CHRNA7: variants seen among roughly 807,000 people sequenced by gnomAD.
The protein encoded by CHRNA7 is neuronal acetylcholine receptor subunit alpha-7.
A neutral mutation model predicts 48.0 loss-of-function variants in CHRNA7; 17 were observed. The observed-to-expected ratio is 0.35, with a 90% CI of 0.24 to 0.53. The LOEUF is 0.53. CHRNA7 is among the 20% of genes least tolerant of loss of function. The pLI, the probability that CHRNA7 is intolerant of heterozygous loss-of-function variation, is 0.92. For synonymous variants in CHRNA7, 75 were observed against 242.3 expected, an observed-to-expected ratio of 0.31 and a Z score of 6.41; for missense variants, 155 against 577.7, an observed-to-expected ratio of 0.27 and a Z score of 7.50.
At chr15:32,142,819 A>G (rs1392338621) in intron 4 of CHRNA7, among the ~76,000 whole-genome samples, 1 of 151,596 alleles carries the variant, frequency 6.6e-6, no homozygotes, top group Non-Finnish European at 1.5e-5. Flanking sequence ...TTTCTTCTTT[A>G]TTAGTCTTGC....
At chr15:32,075,133 T>C (rs1276755477) in intron 2 of CHRNA7, among the ~76,000 whole-genome samples, 2 of 152,190 alleles carry the variant, frequency 1.3e-5, no homozygotes, top group South Asian at 2.1e-4. Flanking sequence ...CTAACACTTA[T>C]TATGGATTTT....
intron 2 of CHRNA7, among the ~76,000 whole-genome samples, chr15:32,050,032 T>C (rs373617034): frequency 2.0e-5 from 3 of 152,190 alleles, no homozygotes; most frequent in East Asian, 1.9e-4. Context: ...GTCTGATGGG[T>C]TTCCCTTTGT....
At chr15:32,107,896 C>T (rs1456906525) in intron 3 of CHRNA7, among the ~76,000 whole-genome samples, 1 of 152,170 alleles carries the variant, frequency 6.6e-6, no homozygotes, top group Non-Finnish European at 1.5e-5. Context: ...AGCGTAAACT[C>T]AGGCCTCAGG....
At chr15:32,064,920 G>C (rs958333200) in intron 2 of CHRNA7, among the ~76,000 whole-genome samples, 6 of 152,168 alleles carry the variant, frequency 3.9e-5, no homozygotes, top group Non-Finnish European at 8.8e-5. Context: ...TTCTTAAAAT[G>C]AATATGCAAC....
intron 4 of CHRNA7, among the ~76,000 whole-genome samples, chr15:32,135,554 TCAGA>T (rs1308909978): frequency 6.6e-6 from 1 of 152,178 alleles, no homozygotes; most frequent in African/African-American, 2.4e-5. Flanking sequence ...GCAAAGCAGC[TCAGA>T]CAGTGAACAG....
chr15:32,138,817 G>A (rs1253321618), intron 4 of CHRNA7, among the ~76,000 whole-genome samples: 1 of 151,378 alleles, frequency 6.6e-6, no homozygotes, highest in Admixed American at 6.6e-5. Context: ...GCAGTGGTGC[G>A]ATCTCGGCTC....
At chr15:32,061,818 G>A (rs2049884126) in intron 2 of CHRNA7, among the ~76,000 whole-genome samples, 1 of 151,842 alleles carries the variant, frequency 6.6e-6, no homozygotes, top group African/African-American at 2.4e-5. Context: ...AAAAACAACA[G>A]CAACAACAAA....
At chr15:32,143,603 G>A (rs941777270) in intron 4 of CHRNA7, among the ~76,000 whole-genome samples, 2 of 152,186 alleles carry the variant, frequency 1.3e-5, no homozygotes, top group Non-Finnish European at 2.9e-5. Context: ...TGGTGCTCCT[G>A]TATTAGGTGC....
intron 2 of CHRNA7, among the ~76,000 whole-genome samples, chr15:32,056,129 G>A (rs2049784749): frequency 6.6e-6 from 1 of 152,136 alleles, no homozygotes; most frequent in Non-Finnish European, 1.5e-5. Context: ...GATTAATGGT[G>A]TCTTTTGGTG....
At chr15:32,068,251 A>G (rs1057490498) in intron 2 of CHRNA7, among the ~76,000 whole-genome samples, 3 of 152,154 alleles carry the variant, frequency 2.0e-5, no homozygotes, top group South Asian at 2.1e-4. Context: ...GTTTGAGGCT[A>G]CAGTGAACTG....
intron 2 of CHRNA7, among the ~76,000 whole-genome samples, chr15:32,039,376 A>G (rs1040663188): frequency 7.2e-5 from 11 of 152,090 alleles, no homozygotes; most frequent in African/African-American, 2.7e-4. Flanking sequence ...TCATTTCTGT[A>G]CATTTCAATA....
chr15:32,045,709 G>C (rs890351741), intron 2 of CHRNA7, among the ~76,000 whole-genome samples: 2 of 151,494 alleles, frequency 1.3e-5, no homozygotes, highest in African/African-American at 4.9e-5. Flanking sequence ...GGGTACATGT[G>C]CACAACGTGC....
chr15:32,072,502 C>T (rs1052360474), intron 2 of CHRNA7, among the ~76,000 whole-genome samples: 7 of 152,218 alleles, frequency 4.6e-5, no homozygotes, highest in African/African-American at 1.7e-4. Context: ...AAGAGATTTG[C>T]ATGACTAAAA....
At chr15:32,084,895 C>T (rs947455492) in intron 2 of CHRNA7, among the ~76,000 whole-genome samples, 6 of 151,132 alleles carry the variant, frequency 4.0e-5, no homozygotes, top group African/African-American at 1.5e-4. Context: ...TGTAACGGCA[C>T]GATCACAGCT....
intron 4 of CHRNA7, among the ~76,000 whole-genome samples, chr15:32,113,233 A>T (rs2050793058): frequency 6.6e-6 from 1 of 152,136 alleles, no homozygotes; most frequent in African/African-American, 2.4e-5. Context: ...CTGCCATCTC[A>T]CTGGGTTCAC....
intron 2 of CHRNA7, among the ~76,000 whole-genome samples, chr15:32,043,109 A>C (rs867666313): frequency 2.6e-5 from 4 of 152,238 alleles, no homozygotes; most frequent in African/African-American, 9.6e-5. Context: ...CAGTATTAAC[A>C]GGCATTGATT....
At chr15:32,080,534 T>TG (rs1038233919) in intron 2 of CHRNA7, among the ~76,000 whole-genome samples, 1 of 151,838 alleles carries the variant, frequency 6.6e-6, no homozygotes, top group African/African-American at 2.4e-5. Flanking sequence ...AACAAACATA[T>TG]GAAAAAAAAG....
At chr15:32,135,529 G>A (rs1446117110) in intron 4 of CHRNA7, among the ~76,000 whole-genome samples, 4 of 152,160 alleles carry the variant, frequency 2.6e-5, no homozygotes, top group Non-Finnish European at 2.9e-5. Context: ...AGCTGCTTAC[G>A]GTCCGCGCAC....
intron 2 of CHRNA7, among the ~76,000 whole-genome samples, chr15:32,042,318 A>T (rs2049463952): frequency 6.6e-6 from 1 of 152,136 alleles, no homozygotes; most frequent in African/African-American, 2.4e-5. Context: ...CCCTTGTGTC[A>T]GGTAAGCTCT....
Sources: allele counts gnomAD v4.1 joint callset (sites outside exome capture counted in the v4.1 genomes callset), GRCh38; gene constraint gnomAD v4.1.1; transcripts MANE v1.5; gene names NCBI Gene and HGNC (gene_info 2026-07-23, HGNC 2026-07-21).